The following KANK1 variants were observed in gnomAD, a reference collection of about 807,000 sequenced individuals.
KANK1 encodes the protein KN motif and ankyrin repeat domains 1.
A neutral mutation model predicts 106.2 loss-of-function variants in KANK1; 109 were observed. The ratio of observed to expected loss-of-function variants is 1.03; its 90% confidence interval spans 0.88 to 1.20. The LOEUF (loss-of-function observed/expected upper bound fraction) is 1.20, where lower values mean the gene tolerates loss of function less well. Ranked by LOEUF, KANK1 falls within the 50% of genes most tolerant of loss-of-function variation. The pLI is 0.00. For synonymous variants in KANK1, 873 were observed against 652.2 expected (o/e 1.34, Z -5.16); for missense variants, 2,399 against 1,710.7 (o/e 1.40, Z -7.10).
chr9:633,437 G>A (rs544401596), intron 1 of KANK1, among the ~76,000 whole-genome samples: 123 of 152,206 alleles, frequency 8.1e-4, no homozygotes, highest in African/African-American at 2.9e-3. Context: ...CAGCCTGGGT[G>A]ACAGAGCGAG....
chr9:543,765 G>T (rs1233185074), intron 1 of KANK1, among the ~76,000 whole-genome samples: 1 of 151,962 alleles, frequency 6.6e-6, no homozygotes. Context: ...AACTCTAATT[G>T]ATTTAAAAAA....
In KANK1 at chr9:606,642, CATATAT is replaced by C. The variant is rs150062985; in HGVS notation, c.-83-70241_-83-70236del. Among the ~76,000 whole-genome samples, 5 of 66,686 alleles carry C rather than the reference CATATAT, an allele frequency of 7.5e-5. 1 individual carries two copies. Among genetic ancestry groups the C allele is most frequent in the African/African-American group, 1.5e-4 (5 of 32,270 alleles). The allele number at this position is 66,686 out of a possible 152,430, so 43.7% of individuals were successfully genotyped here. A position where few individuals can be genotyped will look rare whatever the true frequency, so the allele number is the denominator to read the frequency against. On this transcript the variant is annotated intron_variant, in intron 1 of 11. Coordinates refer to ENST00000382297, the MANE Select transcript of KANK1 (RefSeq NM_015158.5). ...TATATTTATATATTTATATATATTA[CATATAT>C]ATATATGTTTAGAAAATAAAAGATG...
In KANK1 at chr9:524,637, C is replaced by T. The variant is rs561635905; in HGVS notation, c.-84+19883C>T. On this transcript the variant is annotated intron_variant, in intron 1 of 11. Transcript: ENST00000382297. ...GGTTCAAGCGATTCTTTTGCCTCAG[C>T]CTTCCAGGTAGCTGGGATTACAGGT... is the stretch of plus-strand genomic sequence containing the variant. Among the ~76,000 whole-genome samples the T allele has an allele frequency of 6.6e-5, 10 of 151,706 alleles. No individual in the cohort carries two copies. The South Asian group carries it at 1.9e-3, about 28-fold the overall frequency.
Position 521,161 on chromosome 9 carries a change from A to G in KANK1, c.-84+16407A>G, listed in dbSNP as rs115720819. On this transcript the variant is annotated intron_variant, in intron 1 of 11. Transcript: ENST00000382297. Reference sequence around the variant, plus strand: ...GGAATTCTTTGAAGCAAGATGACAAAATAAAGTCATACATTGCTGTGAGGA... The same window carrying G: ...GGAATTCTTTGAAGCAAGATGACAAGATAAAGTCATACATTGCTGTGAGGA... Among the ~76,000 whole-genome samples, 348 of 151,912 alleles carry G rather than the reference A, an allele frequency of 2.3e-3. 15 individuals carry two copies. Among genetic ancestry groups the G allele is most frequent in the African/African-American group, 8.2e-3 (339 of 41,198 alleles).
chr9:713,453 G>A lies in KANK1; in HGVS notation c.2687G>A (p.Gly896Asp), dbSNP rs762550754. 18 of 1,589,640 alleles carry A rather than the reference G, an allele frequency of 1.1e-5. No homozygotes were observed. The highest frequency in any genetic ancestry group is 2.6e-6 in the Non-Finnish European group (3 of 1,169,600). ...CCTGACTTCCAGAAAACCAGTCTGGGTAAAATCACAGGTAGGTGGTACCCT... is the reference window on the plus strand; with the variant it reads ...CCTGACTTCCAGAAAACCAGTCTGGATAAAATCACAGGTAGGTGGTACCCT... ...RNPDFQKTSL[G>D]KITGNYLGYT... Residue 896 changes from glycine (G) to aspartate (D), a missense_variant, in exon 3 of 12, where the codon GGT (glycine) becomes GAT (aspartate). Physicochemically the swap from Gly to Asp is moderately conservative, Grantham distance 94 (BLOSUM62 -1). Coordinates refer to ENST00000382297, the MANE Select transcript of KANK1 (RefSeq NM_015158.5).
intron 2 of KANK1, among the ~76,000 whole-genome samples, chr9:708,724 TACTTC>T (rs1825035315): frequency 6.6e-6 from 1 of 152,118 alleles, no homozygotes; most frequent in African/African-American, 2.4e-5. Context: ...TGCTGGAAGT[TACTTC>T]AAACTGGACA....
At chr9:651,265 A>T (rs1365317396) in intron 1 of KANK1, among the ~76,000 whole-genome samples, 1 of 152,174 alleles carries the variant, frequency 6.6e-6, no homozygotes, top group Non-Finnish European at 1.5e-5. Flanking sequence ...TGTGCATTTT[A>T]TATTTTTCTT....
chr9:553,884 T>A (rs2061422176), intron 1 of KANK1, among the ~76,000 whole-genome samples: 1 of 152,142 alleles, frequency 6.6e-6, no homozygotes, highest in South Asian at 2.1e-4. Context: ...AATGCTCATT[T>A]AAAAAAATAT....
intron 2 of KANK1, among the ~76,000 whole-genome samples, chr9:697,329 T>C (rs1821565984): frequency 6.6e-6 from 1 of 152,184 alleles, no homozygotes; most frequent in Admixed American, 6.5e-5. Context: ...TTTGATCACC[T>C]GGTCGAGGTG....
At chr9:588,696 A>G (rs1824117422) in intron 1 of KANK1, among the ~76,000 whole-genome samples, 1 of 152,066 alleles carries the variant, frequency 6.6e-6, no homozygotes, top group African/African-American at 2.4e-5. Flanking sequence ...GTTTATTTCT[A>G]TCTAGCACCC....
intron 1 of KANK1, among the ~76,000 whole-genome samples, chr9:575,557 G>T (rs116867948): frequency 6.6e-6 from 1 of 151,040 alleles, no homozygotes; most frequent in African/African-American, 2.4e-5. Context: ...CTGTGTTCCA[G>T]CTGCTCAGGA....
At chr9:576,616 T>C (rs141741778) in intron 1 of KANK1, among the ~76,000 whole-genome samples, 1 of 152,174 alleles carries the variant, frequency 6.6e-6, no homozygotes, top group African/African-American at 2.4e-5. Flanking sequence ...AGACTTGACA[T>C]TGTTTCATTT....
At position 524,982 on chromosome 9, in the gene KANK1, C is replaced by CTTTTTTTTTT. The variant is rs35377139; in HGVS notation, c.-84+20241_-84+20250dup. On this transcript the variant is annotated intron_variant, in intron 1 of 11. Transcript: ENST00000382297. ...TTAGTCAATCCCAAACTCTTGCTGC[C>CTTTTTTTTTT]TTTTTTTTTTTTTTTTTTTTTTGAG... is the stretch of plus-strand genomic sequence containing the variant. 4.7e-4 allele frequency among the ~76,000 whole-genome samples: 43 copies of CTTTTTTTTTT among 91,958 alleles called. 5 individuals carry two copies. Among genetic ancestry groups the CTTTTTTTTTT allele is most frequent in the African/African-American group, 1.7e-3 (36 of 21,334 alleles). 60.3% of individuals were successfully genotyped at this position (91,958 alleles called of 152,430 possible).
intron 1 of KANK1, among the ~76,000 whole-genome samples, chr9:612,898 G>T (rs943517660): frequency 6.6e-6 from 1 of 152,164 alleles, no homozygotes; most frequent in African/African-American, 2.4e-5. Flanking sequence ...CTTTGCCTGT[G>T]ATATTTGCCA....
intron 1 of KANK1, among the ~76,000 whole-genome samples, chr9:671,447 C>T (rs1845881879): frequency 6.6e-6 from 1 of 151,058 alleles, no homozygotes; most frequent in Admixed American, 6.6e-5. Flanking sequence ...AGATCAAGAC[C>T]ATCCTGGCTA....
chr9:735,835 A>G, intron 7 of KANK1: 1 of 348,742 alleles, frequency 2.9e-6, no homozygotes, highest in Non-Finnish European at 6.1e-6. Flanking sequence ...CTCTACTAAA[A>G]ATACAAAAAG....
At chr9:510,865 A>C (rs2058999443) in intron 1 of KANK1, among the ~76,000 whole-genome samples, 1 of 152,192 alleles carries the variant, frequency 6.6e-6, no homozygotes, top group African/African-American at 2.4e-5. Flanking sequence ...CTTTCCCCTC[A>C]GGTAAAATTC....
intron 1 of KANK1, among the ~76,000 whole-genome samples, chr9:580,085 C>T (rs1426789956): frequency 3.3e-5 from 5 of 152,114 alleles, no homozygotes; most frequent in Admixed American, 1.3e-4. Context: ...TTCTGATGTT[C>T]GTACGTGTTC....
chr9:530,865 G>A (rs1213969510), intron 1 of KANK1, among the ~76,000 whole-genome samples: 3 of 152,128 alleles, frequency 2.0e-5, no homozygotes, highest in Non-Finnish European at 2.9e-5. Context: ...GGGCATGCCT[G>A]TAGTTCCAGC....
Sources: allele counts gnomAD v4.1 joint callset (sites outside exome capture counted in the v4.1 genomes callset), GRCh38; gene constraint gnomAD v4.1.1; transcripts MANE v1.5; gene names NCBI Gene and HGNC (gene_info 2026-07-23, HGNC 2026-07-21).